DPP10: variants seen among roughly 807,000 people sequenced by gnomAD.
The protein encoded by DPP10 is inactive dipeptidyl peptidase 10.
A neutral mutation model predicts 120.9 loss-of-function variants in DPP10; 33 were observed. The ratio of observed to expected loss-of-function variants is 0.27; its 90% CI spans 0.21 to 0.37. DPP10 has a LOEUF of 0.37. DPP10 is among the 10% of genes least tolerant of loss of function. The pLI, the probability that DPP10 is intolerant of heterozygous loss-of-function variation, is 1.00. For synonymous variants in DPP10, 337 were observed against 326.1 expected, an observed-to-expected ratio of 1.03 and a Z score of -0.36; for missense variants, 816 against 942.8, an observed-to-expected ratio of 0.87 and a Z score of 1.76.
At chr2:114,598,356 T>G (rs1692095661) in intron 1 of DPP10, among the ~76,000 whole-genome samples, 1 of 151,790 alleles carries the variant, frequency 6.6e-6, no homozygotes, top group Non-Finnish European at 1.5e-5. Context: ...GAATAATTTT[T>G]TAGGTTGGGA....
intron 1 of DPP10, among the ~76,000 whole-genome samples, chr2:114,463,938 C>T (rs982310567): frequency 6.6e-6 from 1 of 152,134 alleles, no homozygotes; most frequent in Non-Finnish European, 1.5e-5. Context: ...TAGTAATATG[C>T]ATTTAAGATT....
intron 7 of DPP10, among the ~76,000 whole-genome samples, chr2:115,701,966 C>T (rs911285930): frequency 3.3e-5 from 5 of 151,954 alleles, no homozygotes; most frequent in South Asian, 2.1e-4. Flanking sequence ...ATAATTCCAT[C>T]GCAGTAAGTA....
intron 1 of DPP10, among the ~76,000 whole-genome samples, chr2:114,665,400 T>C (rs1697844496): frequency 6.6e-6 from 1 of 152,182 alleles, no homozygotes; most frequent in Non-Finnish European, 1.5e-5. Flanking sequence ...TGCACCCTTT[T>C]TTCTCTTATC....
chr2:115,635,645 T>C (rs1324377059), intron 5 of DPP10, among the ~76,000 whole-genome samples: 1 of 152,152 alleles, frequency 6.6e-6, no homozygotes, highest in Non-Finnish European at 1.5e-5. Context: ...CCTGTTCCAT[T>C]TGATAAGAAA....
At chr2:115,536,403 T>A (rs1265023707) in intron 5 of DPP10, among the ~76,000 whole-genome samples, 2 of 151,998 alleles carry the variant, frequency 1.3e-5, no homozygotes, top group Non-Finnish European at 2.9e-5. Context: ...CTCAATATCT[T>A]TAATATTTAT....
intron 1 of DPP10, among the ~76,000 whole-genome samples, chr2:115,113,804 G>A (rs977410880): frequency 6.6e-6 from 1 of 152,136 alleles, no homozygotes; most frequent in Middle Eastern, 3.2e-3. Context: ...TCAAGAACTT[G>A]TGCAACCCTT....
At chr2:114,556,234 C>CATATATATATATATAT (rs56772742) in intron 1 of DPP10, among the ~76,000 whole-genome samples, 74 of 86,938 alleles carry the variant, frequency 8.5e-4, no homozygotes, top group African/African-American at 1.1e-3. Context: ...ATAGATGATA[C>CATATATATATATATAT]ATATATATAT....
At chr2:115,687,040 A>T (rs959687189) in intron 5 of DPP10, among the ~76,000 whole-genome samples, 1 of 152,048 alleles carries the variant, frequency 6.6e-6, no homozygotes, top group Non-Finnish European at 1.5e-5. Context: ...AGATAAAGGA[A>T]ATTGAGGAAT....
chr2:115,837,235 A>C (rs1359975952), intron 24 of DPP10, among the ~76,000 whole-genome samples: 1 of 152,222 alleles, frequency 6.6e-6, no homozygotes, highest in African/African-American at 2.4e-5. Context: ...AACTTTAAAA[A>C]GGCACTTTCA....
At chr2:115,600,050 GT>G (rs548422882) in intron 5 of DPP10, among the ~76,000 whole-genome samples, 1 of 151,474 alleles carries the variant, frequency 6.6e-6, no homozygotes, top group Admixed American at 6.6e-5. Flanking sequence ...GCCGTCACCT[GT>G]TTTTTTTGTT....
intron 11 of DPP10, among the ~76,000 whole-genome samples, chr2:115,759,670 C>T (rs891088195): frequency 6.8e-6 from 1 of 146,094 alleles, no homozygotes; most frequent in African/African-American, 2.5e-5. Flanking sequence ...AATAAGAAGA[C>T]ATATATACAC....
intron 1 of DPP10, among the ~76,000 whole-genome samples, chr2:114,995,602 T>A (rs907541322): frequency 6.6e-6 from 1 of 152,186 alleles, no homozygotes; most frequent in Non-Finnish European, 1.5e-5. Context: ...TGCAAGAGTA[T>A]AAAAAATTAT....
At chr2:115,569,664 C>G (rs894972598) in intron 5 of DPP10, among the ~76,000 whole-genome samples, 1 of 152,054 alleles carries the variant, frequency 6.6e-6, no homozygotes, top group African/African-American at 2.4e-5. Context: ...ACCTGATAAC[C>G]TTTATTTAAC....
At chr2:114,651,588 C>T (rs555883881) in intron 1 of DPP10, among the ~76,000 whole-genome samples, 14 of 152,176 alleles carry the variant, frequency 9.2e-5, no homozygotes, top group South Asian at 4.1e-4. Flanking sequence ...ACCACTATTC[C>T]GTGACACTGT....
intron 1 of DPP10, among the ~76,000 whole-genome samples, chr2:114,712,938 A>G (rs1434688910): frequency 6.6e-6 from 1 of 151,744 alleles, no homozygotes; most frequent in African/African-American, 2.4e-5. Flanking sequence ...ACTTAAGCAG[A>G]TACCTTGAGT....
intron 7 of DPP10, among the ~76,000 whole-genome samples, chr2:115,719,530 G>A (rs2092591098): frequency 6.6e-6 from 1 of 152,076 alleles, no homozygotes; most frequent in Admixed American, 6.6e-5. Context: ...ATTTATTTAA[G>A]ACCAAAATGT....
chr2:115,381,695 T>C (rs2066373806), intron 3 of DPP10, among the ~76,000 whole-genome samples: 1 of 152,236 alleles, frequency 6.6e-6, no homozygotes, highest in South Asian at 2.1e-4. Flanking sequence ...TATCTACTTT[T>C]GGTCTTTGAT....
chr2:114,836,677 C>A (rs1687765962), intron 1 of DPP10, among the ~76,000 whole-genome samples: 1 of 152,096 alleles, frequency 6.6e-6, no homozygotes, highest in African/African-American at 2.4e-5. Context: ...GGTTTGAGAG[C>A]AGACAACCGG....
intron 1 of DPP10, among the ~76,000 whole-genome samples, chr2:114,453,336 A>G (rs1450612676): frequency 6.6e-6 from 1 of 152,126 alleles, no homozygotes; most frequent in Non-Finnish European, 1.5e-5. Context: ...AGGTAGAAAG[A>G]AGTCTCGTCT....
Sources: allele counts gnomAD v4.1 joint callset (sites outside exome capture counted in the v4.1 genomes callset), GRCh38; gene constraint gnomAD v4.1.1; transcripts MANE v1.5; gene names NCBI Gene and HGNC (gene_info 2026-07-23, HGNC 2026-07-21).